The following WDR72 variants were observed in gnomAD, a reference collection of about 807,000 sequenced individuals.
The protein encoded by WDR72 is WD repeat-containing protein 72.
In WDR72, 120 loss-of-function variants were observed where a neutral mutation model predicts 124.2. The observed-to-expected ratio is 0.97, with a 90% CI of 0.83 to 1.12. The LOEUF is 1.12. Ranked by LOEUF, WDR72 falls within the 50% of genes most tolerant of loss-of-function variation. The probability of loss-of-function intolerance (pLI) is 0.00; values close to 1 mark genes in which losing one functional copy is unlikely to be tolerated. For missense variants in WDR72, 1,387 were observed against 1,278.8 expected, an observed-to-expected ratio of 1.08 and a Z score of -1.29; for synonymous variants, 452 against 441.7, an observed-to-expected ratio of 1.02 and a Z score of -0.29.
intron 14 of WDR72, among the ~76,000 whole-genome samples, chr15:53,630,022 A>C (rs1261917195): frequency 1.3e-5 from 2 of 152,204 alleles, no homozygotes; most frequent in Non-Finnish European, 2.9e-5. Context: ...AAAGTAATGA[A>C]AGAGGGGTAT....
At chr15:53,665,137 G>A (rs2015732737) in intron 14 of WDR72, among the ~76,000 whole-genome samples, 1 of 151,984 alleles carries the variant, frequency 6.6e-6, no homozygotes, top group African/African-American at 2.4e-5. Context: ...TAGAGAGTTA[G>A]TGATCCTACA....
intron 14 of WDR72, 60 bp from the exon 15 acceptor site, chr15:53,616,303 A>G (rs1182594714): frequency 6.9e-7 from 1 of 1,439,652 alleles, no homozygotes; most frequent in African/African-American, 1.4e-5. Context: ...TAAAGATTCC[A>G]TGATGTTAAA....
At chr15:53,637,500 T>C (rs1314255894) in intron 14 of WDR72, among the ~76,000 whole-genome samples, 1 of 152,190 alleles carries the variant, frequency 6.6e-6, no homozygotes, top group Non-Finnish European at 1.5e-5. Flanking sequence ...AGCTCCCAAG[T>C]GTCTGTAGAA....
At chr15:53,680,287 A>G (rs572528) in intron 13 of WDR72, among the ~76,000 whole-genome samples, 114,012 of 152,040 alleles carry the variant, frequency 0.75, 43,339 homozygotes, top group Middle Eastern at 0.9. Flanking sequence ...GGATTGTTTT[A>G]TCTATGCCCT....
chr15:53,716,358 T>C (rs1030212775), intron 4 of WDR72, among the ~76,000 whole-genome samples: 1 of 152,164 alleles, frequency 6.6e-6, no homozygotes, highest in Non-Finnish European at 1.5e-5. Flanking sequence ...TATATGGAAA[T>C]TGTCTTTCAA....
At chr15:53,541,026 A>C (rs577260146) in intron 18 of WDR72, 1 of 157,816 alleles carries the variant, frequency 6.3e-6, no homozygotes, top group African/African-American at 2.4e-5. Flanking sequence ...CTAGCACAGC[A>C]GTCTGAGATC....
intron 18 of WDR72, among the ~76,000 whole-genome samples, chr15:53,555,167 G>A (rs964289082): frequency 6.6e-6 from 1 of 151,508 alleles, no homozygotes; most frequent in African/African-American, 2.4e-5. Context: ...TTATTACCAG[G>A]TTCTGAGTTT....
intron 13 of WDR72, among the ~76,000 whole-genome samples, chr15:53,669,271 C>T (rs2015907510): frequency 6.6e-6 from 1 of 152,028 alleles, no homozygotes. Flanking sequence ...CTGGCACCCG[C>T]GAGGGAATAT....
intron 14 of WDR72, among the ~76,000 whole-genome samples, chr15:53,638,269 GCTAT>G (rs1463306133): frequency 6.6e-6 from 1 of 152,150 alleles, no homozygotes; most frequent in African/African-American, 2.4e-5. Flanking sequence ...CCACAATGGG[GCTAT>G]CTAAGGGCAG....
intron 13 of WDR72, among the ~76,000 whole-genome samples, chr15:53,699,120 C>T (rs139939520): frequency 6.6e-6 from 1 of 152,184 alleles, no homozygotes; most frequent in Non-Finnish European, 1.5e-5. Context: ...GAAATGTACT[C>T]TCAAACGAAC....
At chr15:53,689,780 G>A (rs553898577) in intron 13 of WDR72, among the ~76,000 whole-genome samples, 16 of 151,992 alleles carry the variant, frequency 1.1e-4, no homozygotes, top group African/African-American at 2.7e-4. Flanking sequence ...TGTTTATTGC[G>A]GCATTATTCA....
intron 18 of WDR72, among the ~76,000 whole-genome samples, chr15:53,575,731 G>A (rs887156499): frequency 2.0e-5 from 3 of 152,106 alleles, no homozygotes; most frequent in Non-Finnish European, 2.9e-5. Flanking sequence ...CCTAGATTTG[G>A]AGAATGGTAA....
chr15:53,676,062 C>T (rs2016161923), intron 13 of WDR72, among the ~76,000 whole-genome samples: 1 of 152,118 alleles, frequency 6.6e-6, no homozygotes, highest in African/African-American at 2.4e-5. Context: ...TCCTAGGTCC[C>T]CAGTGCCACT....
chr15:53,599,602 T>C (rs548930065), intron 17 of WDR72, among the ~76,000 whole-genome samples: 27 of 152,222 alleles, frequency 1.8e-4, no homozygotes, highest in African/African-American at 6.5e-4. Context: ...ACCCACAATG[T>C]GTACAGACTA....
chr15:53,706,047 A>T lies in WDR72; in HGVS notation c.982T>A (p.Tyr328Asn). 6.2e-7 allele frequency: 1 copy of T among 1,614,132 alleles called. No individual in the cohort carries two copies. ...KEQSRPFVMGYMNERKEPFYK... is the reference protein window; with the variant it reads ...KEQSRPFVMGNMNERKEPFYK... ...AAAGGCTCTTTCCTTTCATTCATGT[A>T]GCCCATAACAAAGGGACGGCTCTGT... is the stretch of plus-strand genomic sequence containing the variant. Residue 328 changes from tyrosine to asparagine, a missense_variant, in exon 10 of 20, where the codon TAC becomes AAC. By Grantham distance (143) the Tyr-to-Asn change is moderately radical (BLOSUM62 -2). Transcript: ENST00000360509.
At chr15:53,735,917 T>G (rs1354329509) in intron 1 of WDR72, among the ~76,000 whole-genome samples, 4 of 151,224 alleles carry the variant, frequency 2.6e-5, no homozygotes, top group African/African-American at 9.8e-5. Context: ...AAATATTACT[T>G]CTAGAAATAA....
intron 18 of WDR72, among the ~76,000 whole-genome samples, chr15:53,551,564 G>T (rs983529607): frequency 8.5e-5 from 13 of 152,060 alleles, no homozygotes; most frequent in Non-Finnish European, 1.9e-4. Context: ...TAAATAACCT[G>T]GAGACATTTA....
chr15:53,615,110 A>G (rs1031418747), intron 15 of WDR72, among the ~76,000 whole-genome samples: 1 of 151,782 alleles, frequency 6.6e-6, no homozygotes. Context: ...GTATATGTGT[A>G]TGTATGTATG....
chr15:53,606,623 A>C (rs2013294044), intron 17 of WDR72, among the ~76,000 whole-genome samples: 1 of 152,318 alleles, frequency 6.6e-6, no homozygotes, highest in South Asian at 2.1e-4. Context: ...TGACTAGATG[A>C]CTGGGGTTGG....
Sources: allele counts gnomAD v4.1 joint callset (sites outside exome capture counted in the v4.1 genomes callset), GRCh38; gene constraint gnomAD v4.1.1; transcripts MANE v1.5; gene names NCBI Gene and HGNC (gene_info 2026-07-23, HGNC 2026-07-21).